ANKMY1: variants seen among roughly 807,000 people sequenced by gnomAD.
ANKMY1 encodes the protein ankyrin repeat and MYND domain-containing protein 1.
ANKMY1 carries 98 observed loss-of-function variants against 102.0 expected under a neutral mutation model. The ratio of observed to expected loss-of-function variants is 0.96; its 90% CI spans 0.82 to 1.14. The LOEUF (loss-of-function observed/expected upper bound fraction) is 1.14. ANKMY1 is among the 50% of genes most tolerant of loss of function. ANKMY1 has a pLI of 0.00. For missense variants in ANKMY1, 1,330 were observed against 1,347.6 expected (o/e 0.99, Z 0.20); for synonymous variants, 582 against 559.9 (o/e 1.04, Z -0.56).
At chr2:240,540,776 T>C (rs1474700584) in intron 4 of ANKMY1, among the ~76,000 whole-genome samples, 1 of 152,222 alleles carries the variant, frequency 6.6e-6, no homozygotes, top group Non-Finnish European at 1.5e-5. Context: ...CCGTGATGTT[T>C]CAATAACAGA....
chr2:240,552,526 G>T (rs561958485), intron 4 of ANKMY1, among the ~76,000 whole-genome samples: 2 of 152,266 alleles, frequency 1.3e-5, no homozygotes, highest in South Asian at 4.1e-4. Flanking sequence ...ATATTAAAAT[G>T]GGTGAATTTT....
intron 4 of ANKMY1, among the ~76,000 whole-genome samples, chr2:240,539,266 C>A (rs1167856875): frequency 6.6e-6 from 1 of 151,920 alleles, no homozygotes. Flanking sequence ...AGCGAGACCA[C>A]AAACCCACTG....
chr2:240,555,135 A>G, intron 2 of ANKMY1, 80 bp from the exon 3 acceptor site: 1 of 1,442,862 alleles, frequency 6.9e-7, no homozygotes, highest in Non-Finnish European at 9.6e-7. Flanking sequence ...ACCCCCGAGC[A>G]CAACCCAGCA....
chr2:240,509,359 C>G lies in ANKMY1; in HGVS notation c.2383G>C (p.Gly795Arg). The change falls in exon 12 of 18, where the codon GGG (glycine) becomes CGG (arginine). Residue 795 changes from glycine to arginine, a missense_variant. Gly to Arg is a moderately radical substitution (Grantham distance 125, BLOSUM62 -2). Coordinates refer to ENST00000401804, the MANE Select transcript of ANKMY1 (RefSeq NM_001282771.3). ...CAGAACATGCTCACCAGCTCATTCC[C>G]ACTGGCAATGGACAGGGAGAGCGGG... ...HSPLSLSIAS[G>R]NELVVKELLT... is the part of the protein sequence containing the mutation. The G allele has an allele frequency of 6.2e-7, 1 of 1,613,182 alleles. No homozygotes were observed. The highest frequency in any genetic ancestry group is 8.5e-7 in the Non-Finnish European group (1 of 1,179,504).
At chr2:240,538,873 C>T (rs1361849944) in intron 4 of ANKMY1, among the ~76,000 whole-genome samples, 22 of 152,024 alleles carry the variant, frequency 1.4e-4, no homozygotes, top group Non-Finnish European at 7.4e-5. Context: ...GTGGATGCAC[C>T]AATCAGTACT....
intron 4 of ANKMY1, among the ~76,000 whole-genome samples, chr2:240,531,319 GAC>G (rs1553595478): frequency 6.6e-6 from 1 of 152,196 alleles, no homozygotes; most frequent in Non-Finnish European, 1.5e-5. Context: ...CGCTTTGAAT[GAC>G]AGTTTGGCCA....
chr2:240,520,357 C>G lies in ANKMY1; in HGVS notation c.2004+5G>C. The G allele has an allele frequency of 6.5e-7, 1 of 1,540,208 alleles. No homozygotes were observed. Among genetic ancestry groups the G allele is most frequent in the South Asian group, 1.2e-5 (1 of 83,852 alleles). Reference sequence around the variant, plus strand: ...GTCCCGGCGCCCGCCCGCCGCGGCTCCTACCTGCGGCGGAAAGCAGATGTC... The same window carrying G: ...GTCCCGGCGCCCGCCCGCCGCGGCTGCTACCTGCGGCGGAAAGCAGATGTC... On this transcript the variant is annotated splice_donor_5th_base_variant and intron_variant, in intron 9 of 17. Coordinates refer to ENST00000401804, the MANE Select transcript of ANKMY1 (RefSeq NM_001282771.3). The surrounding 1 kb of genome is among the most constrained non-coding windows in gnomAD (Gnocchi z 4.8).
At chr2:240,509,771 C>A (rs1024522167) in intron 11 of ANKMY1, among the ~76,000 whole-genome samples, 7 of 152,134 alleles carry the variant, frequency 4.6e-5, no homozygotes, top group Non-Finnish European at 7.4e-5. Context: ...ACAGTCCAGA[C>A]CACATGACCA....
At chr2:240,545,398 C>T (rs553775436) in intron 4 of ANKMY1, among the ~76,000 whole-genome samples, 1 of 152,334 alleles carries the variant, frequency 6.6e-6, no homozygotes, top group South Asian at 2.1e-4. Context: ...GATAAAACCA[C>T]AAAGATGGGG....
chr2:240,546,435 G>C (rs1377214887), intron 4 of ANKMY1, among the ~76,000 whole-genome samples: 19 of 152,264 alleles, frequency 1.2e-4, no homozygotes, highest in Non-Finnish European at 2.6e-4. Flanking sequence ...ATTGAGACTA[G>C]GAAGAAACTG....
rs977020564 is a variant in ANKMY1, at chr2:240,505,189, C to T, written c.2526+2371G>A. On this transcript the variant is annotated intron_variant, in intron 13 of 17. Coordinates refer to ENST00000401804, the MANE Select transcript of ANKMY1 (RefSeq NM_001282771.3). ...AAAACATTAAACGTATGGCCGGGCGCGGTGGCTCAGGCCTGTAATCCCAGC... is the reference window on the plus strand; with the variant it reads ...AAAACATTAAACGTATGGCCGGGCGTGGTGGCTCAGGCCTGTAATCCCAGC... Among the ~76,000 whole-genome samples the T allele has an allele frequency of 8.0e-5, 12 of 149,384 alleles. 1 individual carries two copies. In the South Asian group the frequency reaches 1.1e-3, roughly 13 times the overall value.
At chr2:240,495,692 G>A (rs559608524) in intron 15 of ANKMY1, among the ~76,000 whole-genome samples, 246 of 152,088 alleles carry the variant, frequency 1.6e-3, no homozygotes, top group African/African-American at 5.5e-3. Context: ...CGGTCTCTAC[G>A]TCTTGGTGGT....
Position 240,528,293 on chromosome 2 carries a change from AC to A in ANKMY1, c.953+743del, listed in dbSNP as rs562534743. 5.0e-3 allele frequency among the ~76,000 whole-genome samples: 396 copies of A among 78,986 alleles called. 2 individuals carry two copies. Among genetic ancestry groups the A allele is most frequent in the African/African-American group, 0.012 (272 of 21,858 alleles). 51.8% of individuals were successfully genotyped at this position (78,986 alleles called of 152,430 possible). Reference sequence around the variant, plus strand: ...AGAGTGAGACTCTGTGCCTGCCCCCACCCCCCCCCCAAAAAAATTAAACACT... The same window carrying A: ...AGAGTGAGACTCTGTGCCTGCCCCCACCCCCCCCCAAAAAAATTAAACACT... On this transcript the variant is annotated intron_variant, in intron 5 of 17. Coordinates refer to ENST00000401804, the MANE Select transcript of ANKMY1 (RefSeq NM_001282771.3).
chr2:240,474,687 C>T (rs757624939), downstream of ANKMY1, among the ~76,000 whole-genome samples: 8 of 152,116 alleles, frequency 5.3e-5, no homozygotes, highest in Non-Finnish European at 8.8e-5. Flanking sequence ...GTTTTCTGTT[C>T]CTGCGTTAGT....
chr2:240,514,701 AT>A, intron 9 of ANKMY1, among the ~76,000 whole-genome samples: 1 of 152,364 alleles, frequency 6.6e-6, no homozygotes, highest in East Asian at 1.9e-4. Context: ...TGCAAAATGC[AT>A]TGAAGAGCAA....
intron 16 of ANKMY1, among the ~76,000 whole-genome samples, chr2:240,481,386 G>C (rs936202441): frequency 6.6e-6 from 1 of 152,188 alleles, no homozygotes; most frequent in Non-Finnish European, 1.5e-5. Context: ...ATCCATTCAG[G>C]AGACCGCCGT....
At chr2:240,538,640 G>A (rs567352661) in intron 4 of ANKMY1, among the ~76,000 whole-genome samples, 1 of 152,300 alleles carries the variant, frequency 6.6e-6, no homozygotes, top group Non-Finnish European at 1.5e-5. Context: ...CACCACCCAA[G>A]GGCTGAGGAG....
At chr2:240,548,957 T>G (rs1312870935) in intron 4 of ANKMY1, among the ~76,000 whole-genome samples, 1 of 152,172 alleles carries the variant, frequency 6.6e-6, no homozygotes, top group Non-Finnish European at 1.5e-5. Context: ...ATTTACAGAT[T>G]CAATGCCATC....
At chr2:240,561,051 G>A (rs1023226275), upstream of ANKMY1, 1 of 1,504,486 alleles carries the variant, frequency 6.6e-7, no homozygotes, top group Non-Finnish European at 8.8e-7. Flanking sequence ...GCGGCACCGC[G>A]GCCTCAGCCT....
Sources: allele counts gnomAD v4.1 joint callset (sites outside exome capture counted in the v4.1 genomes callset), GRCh38; gene constraint gnomAD v4.1.1; non-coding constraint Gnocchi (gnomAD v3.1); transcripts MANE v1.5; gene names NCBI Gene and HGNC (gene_info 2026-07-23, HGNC 2026-07-21).